Variants in ASMT observed in about 807,000 individuals in gnomAD.
ASMT encodes acetylserotonin O-methyltransferase, also known as acetylserotonin N-methyltransferase.
In ASMT, 53 loss-of-function variants were observed where a neutral mutation model predicts 41.3. The observed-to-expected ratio is 1.28, with a 90% CI of 1.03 to 1.61. ASMT has a LOEUF of 1.61. ASMT is among the 40% of genes most tolerant of loss of function. ASMT has a pLI of 0.00. For missense variants in ASMT, 531 were observed against 441.3 expected, an observed-to-expected ratio of 1.20 and a Z score of -1.82; for synonymous variants, 231 against 184.8, an observed-to-expected ratio of 1.25 and a Z score of -2.03.
chrX:1,619,204 G>A (rs770884539), intron 1 of ASMT, among the ~76,000 whole-genome samples: 20 of 152,096 alleles, frequency 1.3e-4, no homozygotes, highest in Admixed American at 7.2e-4. Context: ...GACCAGCCTG[G>A]CCAATATGGT....
chrX:1,629,758 A>T, intron 4 of ASMT, 63 bp from the exon 5 acceptor site: 1 of 1,472,228 alleles, frequency 6.8e-7, no homozygotes, highest in Non-Finnish European at 9.5e-7. Context: ...GGTTATGTAC[A>T]CCCTTGCTCT....
At chrX:1,624,546 G>A in intron 3 of ASMT, 148 bp downstream of exon 3, 1 of 1,361,360 alleles carries the variant, frequency 7.3e-7, no homozygotes, top group Non-Finnish European at 9.7e-7. Flanking sequence ...CCAGGCAGAT[G>A]CTGGGAGGTG....
chrX:1,636,454 C>G lies in ASMT; in HGVS notation c.804C>G (p.Asp268Glu), dbSNP rs1934967242. The G allele has an allele frequency of 8.7e-6, 14 of 1,613,794 alleles. No individual in the cohort carries two copies. The highest frequency in any genetic ancestry group is 1.3e-5 in the African/African-American group (1 of 74,884). ...IDFQEGDFFK[D>E]PLPEADLYIL... is the part of the protein sequence containing the mutation. ...GTGTTCCAGGGGATTTCTTCAAAGACCCTCTTCCGGAAGCTGATCTGTACA... is the reference window on the plus strand; with the variant it reads ...GTGTTCCAGGGGATTTCTTCAAAGAGCCTCTTCCGGAAGCTGATCTGTACA... The change falls in exon 8 of 9, where the codon GAC becomes GAG. Residue 268 changes from aspartate to glutamate, a missense_variant. Physicochemically the swap from Asp to Glu is conservative, Grantham distance 45. Coordinates refer to ENST00000381241, the MANE Select transcript of ASMT (RefSeq NM_001171038.2).
Position 1,636,553 on chromosome X carries a change from C to A in ASMT, c.903C>A (p.Cys301Ter). The A allele has an allele frequency of 3.1e-6, 5 of 1,610,600 alleles. No individual in the cohort carries two copies. The highest frequency in any genetic ancestry group is 4.2e-6 in the Non-Finnish European group (5 of 1,179,098). ...SHLLERIYHT[C>*]KPGGGILVIE... is the part of the protein sequence containing the mutation. Reference sequence around the variant, plus strand: ...TGCTGGAGAGGATCTACCACACTTGCAAGCCAGGTAAGTTGTGGGGTTTGC... The same window carrying A: ...TGCTGGAGAGGATCTACCACACTTGAAAGCCAGGTAAGTTGTGGGGTTTGC... The change falls in exon 8 of 9, where the codon TGC (cysteine) becomes TGA (stop). Residue 301 changes from cysteine to a stop codon, truncating the protein, a stop_gained. Transcript: ENST00000381241. LOFTEE classifies it high-confidence loss of function.
At chrX:1,616,249 G>A (rs759932585) in intron 1 of ASMT, among the ~76,000 whole-genome samples, 4 of 151,454 alleles carry the variant, frequency 2.6e-5, no homozygotes, top group African/African-American at 4.8e-5. Context: ...GGCTGGTCTC[G>A]AACTCCTGAC....
chrX:1,628,825 C>G (rs1934657874), intron 4 of ASMT, among the ~76,000 whole-genome samples: 1 of 68,436 alleles, frequency 1.5e-5, no homozygotes, highest in East Asian at 4.5e-4. Context: ...TCTCCTCTCC[C>G]GTCTTCTTTC....
At chrX:1,627,644 GAAA>G (rs1934604042) in intron 3 of ASMT, 56 bp from the exon 4 acceptor site, 1 of 774,610 alleles carries the variant, frequency 1.3e-6, no homozygotes, top group East Asian at 3.0e-5. Context: ...GAAATGAAAT[GAAA>G]TGAAATGAAA....
rs151095769 is a variant in ASMT at position 1,624,390 on chromosome X, C to T, written c.366C>T (p.Asp122=). 241 of 1,613,262 alleles carry T rather than the reference C, an allele frequency of 1.5e-4. No homozygotes were observed. Among genetic ancestry groups the T allele is most frequent in the African/African-American group, 9.3e-4 (70 of 74,988 alleles). Residue 122 remains aspartate (D), a synonymous_variant, in exon 3 of 9, where the codon GAC becomes GAT. Coordinates refer to ENST00000381241, the MANE Select transcript of ASMT (RefSeq NM_001171038.2). ...ACCGGTGCTGGGGCCACCTGGCAGA[C>T]GCCGTGAGGTGGGGGCTGCCCCCAG... ...TSYRCWGHLA[D]AVREGRNQYL... is the part of the protein sequence containing the mutation.
intron 8 of ASMT, 57 bp downstream of exon 8, chrX:1,636,617 G>A (rs1445549756): frequency 9.3e-6 from 15 of 1,612,956 alleles, no homozygotes; most frequent in South Asian, 3.3e-5. Flanking sequence ...AGAATTGTAC[G>A]AGTCACATTT....
At chrX:1,616,586 G>A (rs1219008512) in intron 1 of ASMT, among the ~76,000 whole-genome samples, 1 of 151,402 alleles carries the variant, frequency 6.6e-6, no homozygotes, top group African/African-American at 2.4e-5. Context: ...AAGGGTTAAT[G>A]ATGGCCGGGC....
intron 2 of ASMT, 40 bp downstream of exon 2, chrX:1,623,353 A>T: frequency 6.2e-7 from 1 of 1,611,286 alleles, no homozygotes; most frequent in Non-Finnish European, 8.5e-7. Context: ...TTTTACATAG[A>T]CACCCTCTGC....
chrX:1,616,910 G>A (rs112028425), intron 1 of ASMT, among the ~76,000 whole-genome samples: 4,560 of 151,708 alleles, frequency 0.03, 94 homozygotes, highest in South Asian at 0.071. Flanking sequence ...GGGTTTCACC[G>A]TGTTAGCCAG....
rs1482383278 is a variant in ASMT, at chrX:1,616,362, G to C, written c.69+1094G>C. Among the ~76,000 whole-genome samples, 3 of 151,228 alleles carry C rather than the reference G, an allele frequency of 2.0e-5. No homozygotes were observed. In the South Asian group the frequency reaches 6.2e-4, roughly 31 times the overall value. On this transcript the variant is annotated intron_variant, in intron 1 of 8. Coordinates refer to ENST00000381241, the MANE Select transcript of ASMT (RefSeq NM_001171038.2). Reference sequence around the variant, plus strand: ...AAGGCTGACGTGAAAGGCCCCATATGGTATGACTTCATTTATATGAAATGT... The same window carrying C: ...AAGGCTGACGTGAAAGGCCCCATATCGTATGACTTCATTTATATGAAATGT...
chrX:1,633,187 G>C lies in ASMT; in HGVS notation c.684G>C (p.Leu228=), dbSNP rs1489700081. Residue 228 remains leucine (L), a synonymous_variant, in exon 7 of 9, where the codon CTG becomes CTC. Transcript: ENST00000381241. ...AGALAKECMS[L]YPGCKITVFD... ...CTCTGGCTAAGGAATGCATGTCTCTGTACCCTGGATGTAAGATCACCGTTT... is the reference window on the plus strand; with the variant it reads ...CTCTGGCTAAGGAATGCATGTCTCTCTACCCTGGATGTAAGATCACCGTTT... 1 of 1,613,892 alleles carries C rather than the reference G, an allele frequency of 6.2e-7. No homozygotes were observed. Among genetic ancestry groups the C allele is most frequent in the Non-Finnish European group, 8.5e-7 (1 of 1,179,858 alleles).
chrX:1,624,296 G>A lies in ASMT; in HGVS notation c.272G>A (p.Ser91Asn), dbSNP rs1254763739. Residue 91 changes from serine (S) to asparagine (N), a missense_variant, in exon 3 of 9, where the codon AGC (serine) becomes AAC (asparagine). Transcript: ENST00000381241. ...KAFYRNTELS[S>N]DYLTTVSPTS... ...TTCTATCGAAACACAGAGCTGTCCA[G>A]CGACTACCTGACCACGGTCAGCCCG... 1 of 1,613,968 alleles carries A rather than the reference G, an allele frequency of 6.2e-7. No individual in the cohort carries two copies. Among genetic ancestry groups the A allele is most frequent in the Non-Finnish European group, 8.5e-7 (1 of 1,179,866 alleles).
chrX:1,636,350 A>G (rs1934961872), intron 7 of ASMT, 88 bp from the exon 8 acceptor site: 1 of 1,596,372 alleles, frequency 6.3e-7, no homozygotes, highest in Admixed American at 1.7e-5. Context: ...GGCGTGACCC[A>G]TCCAGGTGAC....
Position 1,615,079 on chromosome X carries a change from G to GTA in ASMT, c.-121_-120insTA. The GTA allele has an allele frequency of 9.9e-6, 8 of 805,318 alleles. No individual in the cohort carries two copies. The highest frequency in any genetic ancestry group is 5.1e-5 in the African/African-American group (3 of 59,346). The allele number at this position is 805,318 out of a possible 1,614,324, so 49.9% of individuals were successfully genotyped here. On this transcript the variant is annotated 5_prime_UTR_variant, in exon 1 of 9. Coordinates refer to ENST00000381241, the MANE Select transcript of ASMT (RefSeq NM_001171038.2). ...TCTTTGTTTGAGTACTGGGCAGGCA[G>GTA]CAGGGAGAGTCAGGCAGCAGCTGTG...
In ASMT at chrX:1,629,777, C is replaced by G. The variant is rs753717958; in HGVS notation, c.444-44C>G. The G allele has an allele frequency of 1.0e-5, 16 of 1,571,726 alleles. No homozygotes were observed. The Admixed American group carries it at 2.7e-4, about 26-fold the overall frequency. ...ATGTACACCCTTGCTCTGGGCACGTCCCCAGATCCTCACCATCTTGACAAG... is the reference window on the plus strand; with the variant it reads ...ATGTACACCCTTGCTCTGGGCACGTGCCCAGATCCTCACCATCTTGACAAG... On this transcript the variant is annotated intron_variant, in intron 4 of 8. Transcript: ENST00000381241.
At chrX:1,628,755 C>T (rs1277414250) in intron 4 of ASMT, among the ~76,000 whole-genome samples, 1 of 150,998 alleles carries the variant, frequency 6.6e-6, no homozygotes, top group Admixed American at 6.6e-5. Context: ...TCTCCTCTCT[C>T]TTCTTCCCTC....
Sources: allele counts gnomAD v4.1 joint callset (sites outside exome capture counted in the v4.1 genomes callset), GRCh38; gene constraint gnomAD v4.1.1; transcripts MANE v1.5; gene names NCBI Gene and HGNC (gene_info 2026-07-23, HGNC 2026-07-21).